The following RNF166 variants were observed in gnomAD, a reference collection of about 807,000 sequenced individuals.
RNF166 encodes ring finger protein 166, also known as E3 ubiquitin-protein ligase RNF166.
In RNF166, 19 loss-of-function variants were observed where a neutral mutation model predicts 29.4. The observed-to-expected ratio is 0.65, with a 90% confidence interval of 0.45 to 0.95. RNF166 has a LOEUF of 0.95. RNF166 is among the 40% of genes least tolerant of loss of function. The pLI, the probability that RNF166 is intolerant of heterozygous loss-of-function variation, is 0.00. For synonymous variants in RNF166, 171 were observed against 134.5 expected (o/e 1.27, Z -1.88); for missense variants, 347 against 322.1 (o/e 1.08, Z -0.59).
chr16:88,704,014 C>T (rs560108657), intron 1 of RNF166: 3 of 985,360 alleles, frequency 3.0e-6, no homozygotes, highest in Non-Finnish European at 3.6e-6. Context: ...TGTCCCCTGG[C>T]TGAGAACAGC....
chr16:88,698,796 A>T (rs1032007341), intron 4 of RNF166, among the ~76,000 whole-genome samples, 175 bp downstream of exon 4: 2 of 152,124 alleles, frequency 1.3e-5, no homozygotes, highest in African/African-American at 4.8e-5. Context: ...GGACTCATGG[A>T]CACTCCCCGG....
intron 4 of RNF166, 112 bp from the exon 5 acceptor site, chr16:88,698,721 G>A (rs1382342974): frequency 1.8e-5 from 15 of 833,404 alleles, no homozygotes; most frequent in Non-Finnish European, 2.8e-5. Flanking sequence ...GCCTGGGAAG[G>A]CACCCCAGAC....
chr16:88,703,629 C>A, intron 1 of RNF166: 3 of 985,444 alleles, frequency 3.0e-6, no homozygotes, highest in South Asian at 4.7e-5. Flanking sequence ...GTGCCCGCTT[C>A]CCCCACAGGA....
At chr16:88,698,695 C>G in intron 4 of RNF166, 86 bp from the exon 5 acceptor site, 1 of 1,049,292 alleles carries the variant, frequency 9.5e-7, no homozygotes, top group Non-Finnish European at 1.4e-6. Flanking sequence ...CACTGAGCCC[C>G]GTCAGTGCTG....
At chr16:88,704,547 G>GA (rs1253559008) in intron 1 of RNF166, 1 of 985,346 alleles carries the variant, frequency 1.0e-6, no homozygotes, top group Non-Finnish European at 1.2e-6. Flanking sequence ...GGAAAGTGGA[G>GA]ATGCTGTGGC....
At chr16:88,705,374 A>G (rs1228435243) in intron 1 of RNF166, among the ~76,000 whole-genome samples, 1 of 152,146 alleles carries the variant, frequency 6.6e-6, no homozygotes, top group Non-Finnish European at 1.5e-5. Flanking sequence ...CTCCCCTGCC[A>G]CTGCTGATTT....
At chr16:88,706,028 G>A (rs1910759473) in intron 1 of RNF166, 143 bp downstream of exon 1, 1 of 363,550 alleles carries the variant, frequency 2.8e-6, no homozygotes, top group Non-Finnish European at 3.8e-6. Context: ...AGGGAAACCC[G>A]GACCCCACGC....
intron 2 of RNF166, chr16:88,700,659 G>C: frequency 1.0e-6 from 1 of 986,806 alleles, no homozygotes; most frequent in Non-Finnish European, 1.2e-6. Context: ...AAAGAACGGG[G>C]CGCTGGCTGG....
chr16:88,704,033 G>A, intron 1 of RNF166: 5 of 985,418 alleles, frequency 5.1e-6, no homozygotes, highest in Non-Finnish European at 6.0e-6. Flanking sequence ...GCTCCTGCTG[G>A]GCCCCCAGGG....
At position 88,704,626 on chromosome 16, in the gene RNF166, A is replaced by C. The variant is rs57506951; in HGVS notation, c.155+1545T>G. ...CTTTTCTAAAACAAGGCCTAAGTCA[A>C]GCCTCACAGCGCTCAGTAACAGATG... On this transcript the variant is annotated intron_variant, in intron 1 of 5. Coordinates refer to ENST00000312838, the MANE Select transcript of RNF166 (RefSeq NM_178841.4). 572 of 868,650 alleles carry C rather than the reference A, an allele frequency of 6.6e-4. 3 individuals are homozygous for C. The African/African-American group carries it at 9.8e-3, about 15-fold the overall frequency. 53.8% of individuals were successfully genotyped at this position (868,650 alleles called of 1,614,324 possible). A position where few individuals can be genotyped will look rare whatever the true frequency, so the allele number is the denominator to read the frequency against.
intron 1 of RNF166, chr16:88,703,231 G>A (rs1910444600): frequency 2.1e-6 from 2 of 974,564 alleles, no homozygotes; most frequent in African/African-American, 3.5e-5. Context: ...GGAGTGGGAA[G>A]AATCTTCTAG....
intron 1 of RNF166, 97 bp from the exon 2 acceptor site, chr16:88,701,515 G>C: frequency 8.3e-7 from 1 of 1,198,838 alleles, no homozygotes; most frequent in Non-Finnish European, 1.1e-6. Context: ...CATTTGTGGG[G>C]TCCACAGGGG....
chr16:88,698,579 C>A lies in RNF166; in HGVS notation c.571G>T (p.Gly191Trp). Reference sequence around the variant, plus strand: ...TTGGCGCTCTTGTAGCTGGGGTCCCCCCAGGGCATTGCCGAGCAGATGGGG... The same window carrying A: ...TTGGCGCTCTTGTAGCTGGGGTCCCACCAGGGCATTGCCGAGCAGATGGGG... ...VCPICSAMPWGDPSYKSANFL... is the reference protein window; with the variant it reads ...VCPICSAMPWWDPSYKSANFL... Residue 191 changes from glycine (G) to tryptophan (W), a missense_variant, in exon 5 of 6, where the codon GGG becomes TGG. Transcript: ENST00000312838. 6.4e-7 allele frequency: 1 copy of A among 1,556,294 alleles called. No homozygotes were observed. The highest frequency in any genetic ancestry group is 1.2e-5 in the South Asian group (1 of 83,846).
Position 88,697,733 on chromosome 16 carries a change from C to T in RNF166, c.649-100G>A, listed in dbSNP as rs571891435. ...ACAGGCGTGTCCACCCTTCCTGCCT[C>T]CCTCCAGCAGGACACAGGAAGGACC... On this transcript the variant is annotated intron_variant, in intron 5 of 5. Coordinates refer to ENST00000312838, the MANE Select transcript of RNF166 (RefSeq NM_178841.4). 9.3e-4 allele frequency: 800 copies of T among 864,828 alleles called. 3 individuals carry two copies. In the African/African-American group the frequency reaches 0.012, roughly 13 times the overall value. The allele number at this position is 864,828 out of a possible 1,614,324, so 53.6% of individuals were successfully genotyped here. A position where few individuals can be genotyped will look rare whatever the true frequency, so the allele number is the denominator to read the frequency against.
At chr16:88,701,716 G>C (rs1910255006) in intron 1 of RNF166, 1 of 352,134 alleles carries the variant, frequency 2.8e-6, no homozygotes, top group Middle Eastern at 7.5e-4. Context: ...AGCTCCCATA[G>C]GCAGGAGGCC....
Position 88,698,754 on chromosome 16 carries a change from CAAGCGAGTTATTCAGTGCGCGTCACCCTG to C in RNF166, c.541-174_541-146del, listed in dbSNP as rs574733848. 1.1e-3 allele frequency: 735 copies of C among 681,014 alleles called. 7 individuals are homozygous for C. Among genetic ancestry groups the C allele is most frequent in the Middle Eastern group, 0.01 (25 of 2,422 alleles). 42.2% of individuals were successfully genotyped at this position (681,014 alleles called of 1,614,324 possible). On this transcript the variant is annotated intron_variant, in intron 4 of 5. Transcript: ENST00000312838. ...GACCTGGAGGCGCGTGTCCCGGTGA[CAAGCGAGTTATTCAGTGCGCGTCACCCTG>C]AAGGACTCATGGACACTCCCCGGTT...
chr16:88,704,493 G>C (rs1402298271), intron 1 of RNF166: 3 of 985,240 alleles, frequency 3.0e-6, no homozygotes, highest in African/African-American at 1.7e-5. Context: ...TTTAGGAAAA[G>C]ACATATTTGA....
intron 1 of RNF166, chr16:88,703,258 G>A (rs562067953): frequency 1.0e-5 from 10 of 979,138 alleles, no homozygotes; most frequent in Non-Finnish European, 1.2e-5. Context: ...ATCGATTGTT[G>A]CATAATTGCA....
chr16:88,701,172 G>T, intron 2 of RNF166, 90 bp downstream of exon 2: 2 of 1,516,156 alleles, frequency 1.3e-6, no homozygotes, highest in Non-Finnish European at 9.1e-7. Context: ...GAAAGAGAGA[G>T]GGCCCCGGCC....
Sources: allele counts gnomAD v4.1 joint callset (sites outside exome capture counted in the v4.1 genomes callset), GRCh38; gene constraint gnomAD v4.1.1; transcripts MANE v1.5; gene names NCBI Gene and HGNC (gene_info 2026-07-23, HGNC 2026-07-21).